JADE1: variants seen among roughly 807,000 people sequenced by gnomAD.
JADE1 encodes jade family PHD finger 1, also known as protein Jade-1.
In JADE1, 14 loss-of-function variants were observed where a neutral mutation model predicts 81.8. That is an observed-to-expected ratio of 0.17 (90% CI 0.11 to 0.27). JADE1 has a LOEUF of 0.27. Among genes scored for constraint, JADE1 ranks in the 10% least tolerant of loss-of-function variants. JADE1 has a pLI of 1.00. For missense variants in JADE1, 690 were observed against 1,047.9 expected, an observed-to-expected ratio of 0.66 and a Z score of 4.71; for synonymous variants, 353 against 391.9, an observed-to-expected ratio of 0.90 and a Z score of 1.17.
chr4:128,815,199 C>G (rs1726915451), intron 1 of JADE1, among the ~76,000 whole-genome samples: 1 of 40,432 alleles, frequency 2.5e-5, no homozygotes, highest in Admixed American at 2.8e-4. Context: ...CTCGCGGGTT[C>G]ACGCCATTCT....
At position 128,846,856 on chromosome 4, in the gene JADE1, G is replaced by A. The variant is rs755415318; in HGVS notation, c.296+324G>A. Among the ~76,000 whole-genome samples, 7 of 152,164 alleles carry A rather than the reference G, an allele frequency of 4.6e-5. No homozygotes were observed. Among genetic ancestry groups the A allele is most frequent in the South Asian group, 2.1e-4 (1 of 4,828 alleles). On this transcript the variant is annotated intron_variant, in intron 4 of 10. Transcript: ENST00000226319. This position sits in a 1 kb window ranked among gnomAD's most constrained non-coding sequence, Gnocchi z 4.0. ...GGGAGGAAAATTTGGGTGTTCACACGTCTGCATCCTCTTTTCCTGCCCTCC... is the reference window on the plus strand; with the variant it reads ...GGGAGGAAAATTTGGGTGTTCACACATCTGCATCCTCTTTTCCTGCCCTCC...
chr4:128,857,969 CAG>C (rs748296967), intron 8 of JADE1, among the ~76,000 whole-genome samples: 2 of 152,158 alleles, frequency 1.3e-5, no homozygotes, highest in African/African-American at 2.4e-5. Context: ...GTTGGAAAAA[CAG>C]AGACTCTTTG....
Position 128,871,385 on chromosome 4 carries a change from T to C in JADE1, c.1652T>C (p.Leu551Pro), listed in dbSNP as rs1392061041. The C allele has an allele frequency of 1.2e-6, 2 of 1,613,886 alleles. No homozygotes were observed. The highest frequency in any genetic ancestry group is 1.7e-6 in the Non-Finnish European group (2 of 1,179,776). ...GVPSSCSSSS[L>P]ENMLLFNSPS... Reference sequence around the variant, plus strand: ...CCTTCTTCCTGCTCCTCCTCCTCACTGGAAAACATGCTTTTGTTTAACAGT... The same window carrying C: ...CCTTCTTCCTGCTCCTCCTCCTCACCGGAAAACATGCTTTTGTTTAACAGT... The change falls in exon 11 of 11, where the codon CTG (leucine) becomes CCG (proline). Residue 551 changes from leucine (L) to proline (P), a missense_variant. Transcript: ENST00000226319. This position sits in a 1 kb window ranked among gnomAD's most constrained non-coding sequence, Gnocchi z 4.1.
At chr4:128,831,853 G>A (rs747655911) in intron 2 of JADE1, 43 bp downstream of exon 2, 13 of 1,561,170 alleles carry the variant, frequency 8.3e-6, no homozygotes, top group South Asian at 2.2e-5. Flanking sequence ...CAGGGTTTGG[G>A]TCGGGGTAAA....
intron 3 of JADE1, among the ~76,000 whole-genome samples, chr4:128,845,924 A>AG (rs1428023251): frequency 6.6e-6 from 1 of 151,274 alleles, no homozygotes; most frequent in Non-Finnish European, 1.5e-5. Context: ...ATTCCATCTC[A>AG]GAAAAAAAAA....
rs535636097 is a variant in JADE1 at position 128,844,548 on chromosome 4, T to C, written c.138+1510T>C. On this transcript the variant is annotated intron_variant, in intron 3 of 10. Coordinates refer to ENST00000226319, the MANE Select transcript of JADE1 (RefSeq NM_199320.4). ...TTCTTTCTTTTTTGGCAAACTCCTT[T>C]GTTTTTTATTTATATCAGTTAGTTG... Among the ~76,000 whole-genome samples the C allele has an allele frequency of 4.6e-5, 7 of 152,346 alleles. No individual in the cohort carries two copies. The South Asian group carries it at 1.4e-3, about 32-fold the overall frequency.
At position 128,871,897 on chromosome 4, in the gene JADE1, A is replaced by G; in HGVS notation, c.2164A>G (p.Asn722Asp). 6.2e-7 allele frequency: 1 copy of G among 1,614,130 alleles called. No individual in the cohort carries two copies. Among genetic ancestry groups the G allele is most frequent in the Non-Finnish European group, 8.5e-7 (1 of 1,180,012 alleles). The change falls in exon 11 of 11, where the codon AAT (asparagine) becomes GAT (aspartate). Residue 722 changes from asparagine to aspartate, a missense_variant. Asn to Asp is a conservative substitution (Grantham distance 23). Transcript: ENST00000226319. This position sits in a 1 kb window ranked among gnomAD's most constrained non-coding sequence, Gnocchi z 4.1. Reference sequence around the variant, plus strand: ...AAGGAAGGAGATAGTGCCCAAGTGCAATGGCTCCCTAATCAAAGTAAACTA... The same window carrying G: ...AAGGAAGGAGATAGTGCCCAAGTGCGATGGCTCCCTAATCAAAGTAAACTA... ...GTRKEIVPKC[N>D]GSLIKVNYNQ...
chr4:128,832,946 G>C (rs1445359265), intron 2 of JADE1, among the ~76,000 whole-genome samples: 1 of 151,568 alleles, frequency 6.6e-6, no homozygotes, highest in African/African-American at 2.4e-5. Flanking sequence ...CAGGCACGGG[G>C]CTTTTGGGGA....
chr4:128,822,235 T>C (rs1727639415), intron 1 of JADE1, among the ~76,000 whole-genome samples: 1 of 151,824 alleles, frequency 6.6e-6, no homozygotes, highest in East Asian at 1.9e-4. Context: ...GGTGTGGTGG[T>C]GTGCGCCTCT....
intron 10 of JADE1, among the ~76,000 whole-genome samples, chr4:128,868,233 TTTC>T (rs2125901545): frequency 6.6e-6 from 1 of 152,370 alleles, no homozygotes; most frequent in African/African-American, 2.4e-5. Context: ...GTCTCCCTAA[TTTC>T]TTCATGTGCA....
intron 8 of JADE1, among the ~76,000 whole-genome samples, chr4:128,861,052 G>A (rs542736255): frequency 3.3e-5 from 5 of 152,206 alleles, no homozygotes; most frequent in African/African-American, 7.2e-5. Context: ...TTTCTCACTC[G>A]TGTTGGGACT....
Position 128,867,937 on chromosome 4 carries a change from C to A in JADE1, c.1585C>A (p.Leu529Ile). ...VCKVQEQIFN[L>I]YTKLLEQERV... is the part of the protein sequence containing the mutation. ...CAAAGTCCAGGAACAGATATTCAAT[C>A]TTTACACTAAGCTTTTGGAGCAAGA... Residue 529 changes from leucine (L) to isoleucine (I), a missense_variant, in exon 10 of 11, where the codon CTT becomes ATT. This residue lies in a region of JADE1 where 86 missense variants were observed against 95.4 expected (regional missense o/e 0.90). Transcript: ENST00000226319. 1 of 1,613,360 alleles carries A rather than the reference C, an allele frequency of 6.2e-7. No individual in the cohort carries two copies. Among genetic ancestry groups the A allele is most frequent in the Non-Finnish European group, 8.5e-7 (1 of 1,179,350 alleles).
intron 9 of JADE1, among the ~76,000 whole-genome samples, chr4:128,865,531 T>G (rs1186990301): frequency 2.0e-5 from 3 of 152,136 alleles, no homozygotes. Flanking sequence ...TGGATGTGTT[T>G]TGAGGATGGG....
At chr4:128,857,191 TA>T in intron 7 of JADE1, 146 bp from the exon 8 acceptor site, 1 of 684,410 alleles carries the variant, frequency 1.5e-6, no homozygotes, top group Non-Finnish European at 2.6e-6. Context: ...CTGAGGCTTT[TA>T]AAGTAAGGGT....
At chr4:128,813,279 G>A (rs1726649760) in intron 1 of JADE1, among the ~76,000 whole-genome samples, 1 of 152,152 alleles carries the variant, frequency 6.6e-6, no homozygotes, top group Admixed American at 6.5e-5. Flanking sequence ...ATTTGTTGTA[G>A]GTGGGCAACA....
intron 9 of JADE1, chr4:128,862,721 C>G (rs1285914742): frequency 9.9e-7 from 1 of 1,005,620 alleles, no homozygotes; most frequent in African/African-American, 1.7e-5. Context: ...CTAAGCACGG[C>G]TGCTCACTGG....
intron 3 of JADE1, among the ~76,000 whole-genome samples, chr4:128,844,299 G>A (rs904319001): frequency 4.6e-5 from 7 of 152,146 alleles, no homozygotes; most frequent in Non-Finnish European, 1.0e-4. Flanking sequence ...GGAGAAGGGG[G>A]CCCAGCAGCA....
At chr4:128,824,019 A>C (rs1173315077) in intron 1 of JADE1, among the ~76,000 whole-genome samples, 1 of 152,236 alleles carries the variant, frequency 6.6e-6, no homozygotes, top group Admixed American at 6.5e-5. Flanking sequence ...CCAATTATTA[A>C]GAATATAATG....
At chr4:128,862,683 G>A in intron 9 of JADE1, 1 of 1,012,716 alleles carries the variant, frequency 9.9e-7, no homozygotes, top group Non-Finnish European at 1.2e-6. Context: ...AACACACCTA[G>A]GTGCTGGTGA....
Sources: gnomAD v4.1 joint callset for allele counts (sites outside exome capture counted in the v4.1 genomes callset) on GRCh38, gnomAD v4.1.1 for gene constraint, gnomAD v4.1.1 regional missense constraint, Gnocchi (gnomAD v3.1) non-coding constraint, MANE v1.5 for transcripts, NCBI Gene and HGNC (gene_info 2026-07-23, HGNC 2026-07-21) for gene names.